The following TXK variants were observed in gnomAD, a reference collection of about 807,000 sequenced individuals.
TXK encodes the protein TXK tyrosine kinase, also known as tyrosine-protein kinase TXK.
In TXK, 60 loss-of-function variants were observed where a neutral mutation model predicts 81.0. That is an observed-to-expected ratio of 0.74 (90% CI 0.60 to 0.92). The LOEUF (loss-of-function observed/expected upper bound fraction) is 0.92, where lower values mean the gene tolerates loss of function less well. Ranked by LOEUF, TXK falls within the 40% of genes least tolerant of loss-of-function variation. The pLI, the probability that TXK is intolerant of heterozygous loss-of-function variation, is 0.00. For missense variants in TXK, 581 were observed against 638.3 expected (o/e 0.91, Z 0.97); for synonymous variants, 203 against 210.7 (o/e 0.96, Z 0.32).
chr4:48,085,051 C>T (rs989476258), intron 10 of TXK, among the ~76,000 whole-genome samples: 37 of 152,198 alleles, frequency 2.4e-4, no homozygotes, highest in African/African-American at 8.0e-4. Context: ...TTCTTCTTCA[C>T]AGCATTGCTG....
chr4:48,105,987 A>G (rs923764577), intron 5 of TXK: 5 of 152,262 alleles, frequency 3.3e-5, no homozygotes, highest in African/African-American at 1.2e-4. Flanking sequence ...CTAGTCAGTA[A>G]GCAAATGTTG....
chr4:48,111,508 C>T (rs1228460770), intron 4 of TXK, among the ~76,000 whole-genome samples: 6 of 152,162 alleles, frequency 3.9e-5, no homozygotes, highest in Non-Finnish European at 7.3e-5. Context: ...ATTTTTAAGT[C>T]TGAGGCATGC....
intron 1 of TXK, among the ~76,000 whole-genome samples, chr4:48,115,044 T>A (rs1369734711): frequency 6.8e-5 from 10 of 147,218 alleles, no homozygotes; most frequent in African/African-American, 2.3e-4. Context: ...TTTTTTTTTT[T>A]AATTTTACTT....
chr4:48,130,533 G>A (rs1452005254), intron 1 of TXK, among the ~76,000 whole-genome samples: 3 of 152,116 alleles, frequency 2.0e-5, no homozygotes, highest in African/African-American at 2.4e-5. Flanking sequence ...AATGGGAGCC[G>A]CCACCTCTGT....
chr4:48,102,233 C>T (rs980386775), intron 6 of TXK, among the ~76,000 whole-genome samples: 1 of 152,140 alleles, frequency 6.6e-6, no homozygotes, highest in Non-Finnish European at 1.5e-5. Flanking sequence ...CCCGCCTCGG[C>T]CTCCCGAAGT....
At chr4:48,093,295 C>G (rs1189787645) in intron 8 of TXK, among the ~76,000 whole-genome samples, 1 of 152,184 alleles carries the variant, frequency 6.6e-6, no homozygotes, top group Non-Finnish European at 1.5e-5. Context: ...GAATATTTGT[C>G]AACACTTTTC....
rs1716654632 is a variant in TXK, at chr4:48,067,549, T to C, written c.*88A>G. ...AGTCAGCAACTCTGAAGAAAGATAT[T>C]CACCATAAGTGACCCCATATGGTGA... is the stretch of plus-strand genomic sequence containing the variant. On this transcript the variant is annotated 3_prime_UTR_variant, in exon 15 of 15. Transcript: ENST00000264316. 1 of 1,324,306 alleles carries C rather than the reference T, an allele frequency of 7.6e-7. No individual in the cohort carries two copies. The highest frequency in any genetic ancestry group is 1.4e-5 in the African/African-American group (1 of 69,474). The allele number at this position is 1,324,306 out of a possible 1,614,324, so 82.0% of individuals were successfully genotyped here.
At chr4:48,114,229 A>G (rs1309237966) in intron 2 of TXK, 119 bp downstream of exon 2, 2 of 988,968 alleles carry the variant, frequency 2.0e-6, no homozygotes, top group Non-Finnish European at 3.1e-6. Flanking sequence ...CAGGGAGAAA[A>G]TGGGAGAAGG....
chr4:48,106,513 A>AT (rs556471929), intron 5 of TXK, among the ~76,000 whole-genome samples: 11 of 151,326 alleles, frequency 7.3e-5, no homozygotes, highest in Non-Finnish European at 1.0e-4. Flanking sequence ...TCCTATGAAC[A>AT]TTTTTTTTTA....
At chr4:48,113,567 A>G (rs1205193239) in intron 2 of TXK, among the ~76,000 whole-genome samples, 1 of 152,250 alleles carries the variant, frequency 6.6e-6, no homozygotes, top group Non-Finnish European at 1.5e-5. Context: ...CATTCCCAGT[A>G]GAGTCTGGTG....
rs754263243 is a variant in TXK, at chr4:48,113,244, C to T, written c.137G>A (p.Arg46His). 26 of 1,613,222 alleles carry T rather than the reference C, an allele frequency of 1.6e-5. No individual in the cohort carries two copies. The highest frequency in any genetic ancestry group is 1.6e-4 in the Middle Eastern group (1 of 6,076). Residue 46 changes from arginine (R) to histidine (H), a missense_variant, in exon 3 of 15, where the codon CGC (arginine) becomes CAC (histidine). Transcript: ENST00000264316. ...TGACAATTGGCTGAGCCACGGCCTGCGACGCTGGGTGTATTTTTCTGGAAG... is the reference window on the plus strand; with the variant it reads ...TGACAATTGGCTGAGCCACGGCCTGTGACGCTGGGTGTATTTTTCTGGAAG... ...EELPEKYTQR[R>H]RPWLSQLSNK... is the part of the protein sequence containing the mutation.
chr4:48,094,488 A>T (rs575299847), intron 7 of TXK, among the ~76,000 whole-genome samples: 1 of 152,246 alleles, frequency 6.6e-6, no homozygotes, highest in East Asian at 1.9e-4. Context: ...TACATATTGA[A>T]TATCAAGTAT....
intron 11 of TXK, among the ~76,000 whole-genome samples, chr4:48,077,183 A>G (rs1272127408): frequency 6.6e-6 from 1 of 152,238 alleles, no homozygotes; most frequent in Non-Finnish European, 1.5e-5. Context: ...ATATAATGCT[A>G]TGTAGAAACA....
chr4:48,082,623 C>T (rs1336869240), intron 10 of TXK, among the ~76,000 whole-genome samples: 1 of 152,136 alleles, frequency 6.6e-6, no homozygotes, highest in Non-Finnish European at 1.5e-5. Flanking sequence ...GGAAAGTCCT[C>T]ACCCTCAAGC....
At chr4:48,094,244 A>G (rs1043202827) in intron 7 of TXK, 40 bp from the exon 8 acceptor site, 2 of 1,604,962 alleles carry the variant, frequency 1.2e-6, no homozygotes, top group Admixed American at 1.7e-5. Flanking sequence ...AATGTGAAAG[A>G]TCAATTTGGA....
intron 7 of TXK, among the ~76,000 whole-genome samples, chr4:48,094,769 C>A (rs1168389543): frequency 1.3e-5 from 2 of 152,116 alleles, no homozygotes; most frequent in African/African-American, 4.8e-5. Flanking sequence ...TCAGCTTAGC[C>A]ACGGGGCGCA....
chr4:48,105,085 C>G (rs1718408981), intron 5 of TXK, 130 bp from the exon 6 acceptor site: 2 of 581,450 alleles, frequency 3.4e-6, no homozygotes, highest in Non-Finnish European at 5.9e-6. Flanking sequence ...TTTTTAAATT[C>G]AGATAAACAA....
chr4:48,079,195 A>G (rs1402846636), intron 11 of TXK, among the ~76,000 whole-genome samples: 1 of 152,202 alleles, frequency 6.6e-6, no homozygotes, highest in South Asian at 2.1e-4. Flanking sequence ...GTTTAAAACG[A>G]AGATGATAAC....
At chr4:48,092,259 G>A (rs927859860) in intron 8 of TXK, among the ~76,000 whole-genome samples, 3 of 152,106 alleles carry the variant, frequency 2.0e-5, no homozygotes, top group Admixed American at 6.5e-5. Context: ...GATCAGGGAC[G>A]GATTCTGGAG....
Sources: allele counts gnomAD v4.1 joint callset (sites outside exome capture counted in the v4.1 genomes callset), GRCh38; gene constraint gnomAD v4.1.1; transcripts MANE v1.5; gene names NCBI Gene and HGNC (gene_info 2026-07-23, HGNC 2026-07-21).